Variants in PDS5A observed in about 807,000 individuals in gnomAD.
PDS5A encodes sister chromatid cohesion protein PDS5 homolog A.
A neutral mutation model predicts 167.1 loss-of-function variants in PDS5A; 42 were observed. The observed-to-expected ratio is 0.25, with a 90% CI of 0.20 to 0.33. The LOEUF is 0.33. PDS5A is among the 10% of genes least tolerant of loss of function. The probability of loss-of-function intolerance (pLI) is 1.00; values close to 1 mark genes in which losing one functional copy is unlikely to be tolerated. For missense variants in PDS5A, 1,033 were observed against 1,605.9 expected, an observed-to-expected ratio of 0.64 and a Z score of 6.10; for synonymous variants, 553 against 554.6, an observed-to-expected ratio of 1.00 and a Z score of 0.04.
At chr4:39,916,182 A>G (rs556367821) in intron 8 of PDS5A, among the ~76,000 whole-genome samples, 11 of 136,800 alleles carry the variant, frequency 8.0e-5, no homozygotes, top group African/African-American at 2.6e-4. Flanking sequence ...ACAGAGCAAG[A>G]CTCCGTCTCA....
intron 11 of PDS5A, among the ~76,000 whole-genome samples, chr4:39,908,164 T>C (rs900992472): frequency 2.0e-5 from 3 of 152,164 alleles, no homozygotes; most frequent in Non-Finnish European, 4.4e-5. Context: ...TATGAAGGTA[T>C]GATAGAAAAG....
chr4:39,826,473 T>TTTTATTTATTTATTTATTTATTTAA (rs1715331191), intron 32 of PDS5A, among the ~76,000 whole-genome samples: 2 of 143,802 alleles, frequency 1.4e-5, no homozygotes, highest in East Asian at 4.0e-4. Context: ...CATTCCACAT[T>TTTTATTTATTTATTTATTTATTTAA]TTTATTTATT....
chr4:39,893,999 G>C lies in PDS5A; in HGVS notation c.1771-3635C>G, dbSNP rs147044465. On this transcript the variant is annotated intron_variant, in intron 16 of 32. Coordinates refer to ENST00000303538, the MANE Select transcript of PDS5A (RefSeq NM_001100399.2). ...GCCTTTTCAAGCTATTTCATTGTCT[G>C]ATCTAATTATAATAGTAGATTCTCT... Among the ~76,000 whole-genome samples, 331 of 152,282 alleles carry C rather than the reference G, an allele frequency of 2.2e-3. 2 individuals carry two copies. Among genetic ancestry groups the C allele is most frequent in the Non-Finnish European group, 2.9e-3 (200 of 68,030 alleles).
At chr4:39,878,066 C>T (rs1026152068) in intron 18 of PDS5A, among the ~76,000 whole-genome samples, 1 of 152,114 alleles carries the variant, frequency 6.6e-6, no homozygotes, top group Non-Finnish European at 1.5e-5. Context: ...AAAGAGTTAA[C>T]CTTCCATAAA....
intron 16 of PDS5A, among the ~76,000 whole-genome samples, chr4:39,895,137 G>C (rs1419081434): frequency 7.3e-6 from 1 of 136,160 alleles, no homozygotes; most frequent in East Asian, 2.2e-4. Context: ...TGAGGCAAGA[G>C]AACGCAGTGA....
Position 39,835,302 on chromosome 4 carries a change from C to T in PDS5A, c.4010+2554G>A, listed in dbSNP as rs540573491. On this transcript the variant is annotated intron_variant, in intron 32 of 32. Transcript: ENST00000303538. ...GAGATTAGAAAACCATCACAGAATA[C>T]TGTATTCTGAATAACACACTGCCCA... is the stretch of plus-strand genomic sequence containing the variant. 2.6e-5 allele frequency among the ~76,000 whole-genome samples: 4 copies of T among 152,246 alleles called. No homozygotes were observed. The South Asian group carries it at 8.3e-4, about 32-fold the overall frequency.
intron 30 of PDS5A, among the ~76,000 whole-genome samples, 159 bp downstream of exon 30, chr4:39,844,497 A>G (rs1457106057): frequency 2.0e-5 from 3 of 151,776 alleles, no homozygotes; most frequent in African/African-American, 7.3e-5. Context: ...AAAAAAAACA[A>G]AAAAAAACCC....
intron 20 of PDS5A, 96 bp downstream of exon 20, chr4:39,874,193 A>C: frequency 9.8e-7 from 1 of 1,023,018 alleles, no homozygotes; most frequent in East Asian, 2.5e-5. Flanking sequence ...AGGACTTCAT[A>C]TAAACAGCTT....
chr4:39,897,786 G>A (rs1489308866), intron 16 of PDS5A, among the ~76,000 whole-genome samples: 1 of 151,556 alleles, frequency 6.6e-6, no homozygotes, highest in South Asian at 2.1e-4. Context: ...GATCACATGA[G>A]CACAGGACTT....
intron 31 of PDS5A, among the ~76,000 whole-genome samples, chr4:39,840,357 G>A (rs141408101): frequency 8.5e-5 from 13 of 152,302 alleles, no homozygotes; most frequent in East Asian, 3.9e-4. Context: ...CAACAAAGTC[G>A]TCAAGCACGG....
intron 26 of PDS5A, among the ~76,000 whole-genome samples, chr4:39,856,458 G>A (rs917264667): frequency 1.3e-5 from 2 of 152,104 alleles, no homozygotes; most frequent in African/African-American, 4.8e-5. Context: ...AACCATACAG[G>A]TACATTTAAA....
At chr4:39,902,323 G>C (rs371975259) in intron 13 of PDS5A, 24 bp downstream of exon 13, 11 of 1,002,650 alleles carry the variant, frequency 1.1e-5, no homozygotes, top group African/African-American at 9.7e-5. Flanking sequence ...AGAAAATACA[G>C]CAGTTATTTG....
At chr4:39,947,584 A>T (rs144240163) in intron 2 of PDS5A, among the ~76,000 whole-genome samples, 1 of 152,310 alleles carries the variant, frequency 6.6e-6, no homozygotes, top group Non-Finnish European at 1.5e-5. Flanking sequence ...CATAAAGTAC[A>T]CTAACACTAA....
intron 18 of PDS5A, 28 bp from the exon 19 acceptor site, chr4:39,877,181 TACAG>T (rs928708096): frequency 9.8e-6 from 14 of 1,422,804 alleles, no homozygotes; most frequent in South Asian, 2.9e-5. Flanking sequence ...GCTTTAGAAG[TACAG>T]ACAATGGTTT....
Position 39,846,105 on chromosome 4 carries a change from T to C in PDS5A, c.3340-225A>G, listed in dbSNP as rs1717568101. 4.4e-5 allele frequency: 13 copies of C among 292,412 alleles called. No individual in the cohort carries two copies. In the South Asian group the frequency reaches 1.5e-3, roughly 33 times the overall value. The allele number at this position is 292,412 out of a possible 1,614,324, so 18.1% of individuals were successfully genotyped here. On this transcript the variant is annotated intron_variant, in intron 28 of 32. Transcript: ENST00000303538. ...CGCAGACTTAGGCAAATGTCAAAGA[T>C]AAATTTCCTAAATCACACCATAAAT...
chr4:39,973,630 A>C, intron 2 of PDS5A: 1 of 1,310,404 alleles, frequency 7.6e-7, no homozygotes. Context: ...TAAAGCAGTT[A>C]CAGAAATGAA....
chr4:39,898,045 A>G (rs1418565641), intron 16 of PDS5A: 18 of 997,748 alleles, frequency 1.8e-5, no homozygotes, highest in Non-Finnish European at 2.0e-5. Context: ...TTTATTGACG[A>G]TTATTTCCAT....
Position 39,844,663 on chromosome 4 carries a change from G to C in PDS5A, c.3541C>G (p.Arg1181Gly). The C allele has an allele frequency of 6.2e-7, 1 of 1,604,472 alleles. No individual in the cohort carries two copies. Among genetic ancestry groups the C allele is most frequent in the Non-Finnish European group, 8.5e-7 (1 of 1,177,350 alleles). ...ATTGGAGAGAAAAGTTGCCTTGATC[G>C]ATTTCCGGTTGAAGGGTTCAGCTCT... ...NSELNPSTGN[R>G]SREQSSEAAE... The change falls in exon 30 of 33, where the codon CGA (arginine) becomes GGA (glycine). Residue 1181 changes from arginine (R) to glycine (G), a missense_variant. Transcript: ENST00000303538.
chr4:39,842,479 A>G (rs1717114702), intron 30 of PDS5A, among the ~76,000 whole-genome samples: 1 of 152,180 alleles, frequency 6.6e-6, no homozygotes. Context: ...TTTGGTAGGT[A>G]TTTGAGGCCC....
Sources: allele counts gnomAD v4.1 joint callset (sites outside exome capture counted in the v4.1 genomes callset), GRCh38; gene constraint gnomAD v4.1.1; transcripts MANE v1.5; gene names NCBI Gene and HGNC (gene_info 2026-07-23, HGNC 2026-07-21).